ABLIM1: variants seen among roughly 807,000 people sequenced by gnomAD.
ABLIM1 encodes actin-binding LIM protein 1.
ABLIM1 carries 40 observed loss-of-function variants against 107.0 expected under a neutral mutation model. The observed-to-expected ratio is 0.37, with a 90% CI of 0.29 to 0.49. ABLIM1 has a LOEUF of 0.49. ABLIM1 is among the 20% of genes least tolerant of loss of function. The pLI, the probability that ABLIM1 is intolerant of heterozygous loss-of-function variation, is 0.97. For synonymous variants in ABLIM1, 357 were observed against 357.3 expected, an observed-to-expected ratio of 1.00 and a Z score of 0.01; for missense variants, 857 against 1,008.5, an observed-to-expected ratio of 0.85 and a Z score of 2.04.
chr10:114,480,206 T>C (rs1327544452), intron 8 of ABLIM1, among the ~76,000 whole-genome samples: 1 of 152,174 alleles, frequency 6.6e-6, no homozygotes, highest in Non-Finnish European at 1.5e-5. Context: ...TTTCCACCCA[T>C]TCAGATGTCC....
At chr10:114,558,307 C>T (rs78629473) in intron 4 of ABLIM1, among the ~76,000 whole-genome samples, 2,859 of 152,162 alleles carry the variant, frequency 0.019, 82 homozygotes, top group African/African-American at 0.065. Flanking sequence ...CTATTCATTA[C>T]GCAGGAATCC....
chr10:114,626,746 C>T (rs1343995399), intron 1 of ABLIM1, among the ~76,000 whole-genome samples: 1 of 152,060 alleles, frequency 6.6e-6, no homozygotes, highest in Non-Finnish European at 1.5e-5. Flanking sequence ...AGAATGTGGC[C>T]CTATTTGGAG....
rs1222249500 is a variant in ABLIM1, at chr10:114,475,846, A to G, written c.1042-1890T>C. 3.9e-5 allele frequency among the ~76,000 whole-genome samples: 6 copies of G among 152,160 alleles called. No homozygotes were observed. The East Asian group carries it at 1.2e-3, about 29-fold the overall frequency. On this transcript the variant is annotated intron_variant, in intron 8 of 22. Transcript: ENST00000533213. ...CTCTGCAGAGAAAACTCAAGGCCTC[A>G]TTTTGGAACACTTCCTCCCCTCTGT...
At chr10:114,675,224 A>G (rs2080429162) in intron 1 of ABLIM1, among the ~76,000 whole-genome samples, 2 of 152,148 alleles carry the variant, frequency 1.3e-5, no homozygotes. Context: ...TTACAATAAG[A>G]TGACAAGTAT....
At chr10:114,648,670 T>C (rs1329561277) in intron 1 of ABLIM1, among the ~76,000 whole-genome samples, 1 of 152,238 alleles carries the variant, frequency 6.6e-6, no homozygotes, top group African/African-American at 2.4e-5. Context: ...AAGTGGTGAA[T>C]GTTATGGTGT....
intron 1 of ABLIM1, among the ~76,000 whole-genome samples, chr10:114,667,520 A>G (rs539690171): frequency 6.6e-6 from 1 of 152,296 alleles, no homozygotes; most frequent in East Asian, 1.9e-4. Flanking sequence ...TGTTTCTTTG[A>G]TTAAATTAAG....
chr10:114,622,060 C>A (rs1030905908), intron 1 of ABLIM1, among the ~76,000 whole-genome samples: 1 of 152,148 alleles, frequency 6.6e-6, no homozygotes, highest in Non-Finnish European at 1.5e-5. Context: ...TCAAGTGGCA[C>A]ATGGCAGCAG....
intron 1 of ABLIM1, among the ~76,000 whole-genome samples, chr10:114,692,746 C>T (rs2081108108): frequency 6.6e-6 from 1 of 151,948 alleles, no homozygotes; most frequent in Non-Finnish European, 1.5e-5. Context: ...AAAAATTAGC[C>T]GGGCGTGGTG....
intron 1 of ABLIM1, among the ~76,000 whole-genome samples, chr10:114,608,743 G>A (rs1236060304): frequency 6.6e-6 from 1 of 151,622 alleles, no homozygotes; most frequent in Non-Finnish European, 1.5e-5. Context: ...GGCTGGGCAC[G>A]GTGGCTCACA....
intron 4 of ABLIM1, among the ~76,000 whole-genome samples, chr10:114,566,850 A>C (rs1273530494): frequency 6.6e-6 from 1 of 152,124 alleles, no homozygotes; most frequent in Non-Finnish European, 1.5e-5. Context: ...GGAGTTAGAG[A>C]CCAGCCTGGC....
intron 6 of ABLIM1, among the ~76,000 whole-genome samples, chr10:114,517,305 T>C (rs1014622180): frequency 6.6e-6 from 1 of 152,026 alleles, no homozygotes; most frequent in African/African-American, 2.4e-5. Flanking sequence ...ACAAGGAAAC[T>C]GACCAAGAGG....
chr10:114,437,452 G>A (rs575848556), intron 22 of ABLIM1, among the ~76,000 whole-genome samples: 2 of 151,868 alleles, frequency 1.3e-5, no homozygotes, highest in East Asian at 3.9e-4. Context: ...CCAAGTAGCT[G>A]GGACTACAGG....
chr10:114,607,127 A>G (rs2076471955), intron 1 of ABLIM1, among the ~76,000 whole-genome samples: 1 of 152,102 alleles, frequency 6.6e-6, no homozygotes, highest in African/African-American at 2.4e-5. Flanking sequence ...CAGTGGTGCG[A>G]TCTTGGCTCA....
At chr10:114,441,186 A>G in intron 18 of ABLIM1, 109 bp from the exon 19 acceptor site, 1 of 1,165,066 alleles carries the variant, frequency 8.6e-7, no homozygotes, top group Non-Finnish European at 1.2e-6. Context: ...CCCAAGCTAA[A>G]TGTCAGACCT....
At chr10:114,544,983 A>C (rs749050610) in intron 6 of ABLIM1, 22 bp downstream of exon 6, 16 of 1,610,058 alleles carry the variant, frequency 9.9e-6, no homozygotes, top group Non-Finnish European at 1.4e-5. Flanking sequence ...GGTAGCTATG[A>C]GGGAGCCGGT....
chr10:114,712,862 C>T (rs1345906864), intron 1 of ABLIM1, among the ~76,000 whole-genome samples: 4 of 152,126 alleles, frequency 2.6e-5, no homozygotes, highest in East Asian at 1.9e-4. Flanking sequence ...TGGATTGCCC[C>T]GACTTAGAGC....
rs986693191 is a variant in ABLIM1 at position 114,466,715 on chromosome 10, C to T, written c.1312-888G>A. Among the ~76,000 whole-genome samples the T allele has an allele frequency of 1.1e-3, 169 of 152,284 alleles. 2 individuals carry two copies. The highest frequency in any genetic ancestry group is 2.4e-4 in the Non-Finnish European group (16 of 68,004). ...TGGTTGCCATAAAGCCGGTATTTTACTTCTCACTTTGGGAAACATATCCCA... is the reference window on the plus strand; with the variant it reads ...TGGTTGCCATAAAGCCGGTATTTTATTTCTCACTTTGGGAAACATATCCCA... On this transcript the variant is annotated intron_variant, in intron 11 of 22. Transcript: ENST00000533213.
intron 11 of ABLIM1, 29 bp downstream of exon 11, chr10:114,468,152 T>C (rs778844278): frequency 1.0e-5 from 16 of 1,602,922 alleles, no homozygotes; most frequent in Admixed American, 5.0e-5. Context: ...ATTCCACCCA[T>C]TAAAATGATA....
At chr10:114,516,608 T>C (rs1469752709) in intron 6 of ABLIM1, among the ~76,000 whole-genome samples, 2 of 152,224 alleles carry the variant, frequency 1.3e-5, no homozygotes, top group African/African-American at 2.4e-5. Flanking sequence ...AAAGAAACTA[T>C]TGAAAACAGA....
Sources: gnomAD v4.1 joint callset for allele counts (sites outside exome capture counted in the v4.1 genomes callset) on GRCh38, gnomAD v4.1.1 for gene constraint, MANE v1.5 for transcripts, NCBI Gene and HGNC (gene_info 2026-07-23, HGNC 2026-07-21) for gene names.